The following NFIB variants were observed in gnomAD, a reference collection of about 807,000 sequenced individuals.
The protein encoded by NFIB is nuclear factor 1 B-type.
Under a neutral mutation model 61.5 loss-of-function variants are expected in NFIB, and 11 were observed. The ratio of observed to expected loss-of-function variants is 0.18; its 90% confidence interval spans 0.11 to 0.30. The LOEUF (loss-of-function observed/expected upper bound fraction) is 0.30, where lower values mean the gene tolerates loss of function less well. NFIB is among the 10% of genes least tolerant of loss of function. The pLI is 1.00. For synonymous variants in NFIB, 260 were observed against 216.5 expected (o/e 1.20, Z -1.76); for missense variants, 471 against 608.9 (o/e 0.77, Z 2.38).
the NFIB span, among the ~76,000 whole-genome samples, chr9:14,499,060 G>A: frequency 4.0e-5 from 6 of 151,836 alleles, no homozygotes; most frequent in South Asian, 4.2e-4. Context: ...GTGTGTGTGC[G>A]TGTGTGGGTG....
chr9:14,108,841 T>C (rs758580646), intron 10 of NFIB, among the ~76,000 whole-genome samples: 10 of 152,132 alleles, frequency 6.6e-5, no homozygotes, highest in Non-Finnish European at 1.3e-4. Context: ...AGTTGAAATC[T>C]CAAATATACA....
intron 2 of NFIB, among the ~76,000 whole-genome samples, chr9:14,301,828 C>T (rs1398513673): frequency 6.6e-6 from 1 of 152,144 alleles, no homozygotes; most frequent in African/African-American, 2.4e-5. Flanking sequence ...TCTTATCTCA[C>T]AATATATGTT....
intron 10 of NFIB, among the ~76,000 whole-genome samples, chr9:14,095,409 A>G (rs910988753): frequency 3.3e-5 from 5 of 152,250 alleles, no homozygotes; most frequent in Non-Finnish European, 7.4e-5. Context: ...CAATTATTTT[A>G]TCTCCTCCCA....
rs1034918572 is a variant in NFIB, at chr9:14,150,130, C to T, written c.806+15G>A. 1 of 1,613,042 alleles carries T rather than the reference C, an allele frequency of 6.2e-7. No individual in the cohort carries two copies. Among genetic ancestry groups the T allele is most frequent in the Non-Finnish European group, 8.5e-7 (1 of 1,179,270 alleles). On this transcript the variant is annotated intron_variant, in intron 5 of 10. Coordinates refer to ENST00000380953, the MANE Select transcript of NFIB (RefSeq NM_001190737.2). ...GTGTATCACTTGAGAATATGAGCAGCCCTTCTTTCAGTACCTGCTTGGTGG... is the reference window on the plus strand; with the variant it reads ...GTGTATCACTTGAGAATATGAGCAGTCCTTCTTTCAGTACCTGCTTGGTGG...
At chr9:14,119,551 A>C (rs2119138016) in intron 8 of NFIB, among the ~76,000 whole-genome samples, 1 of 152,260 alleles carries the variant, frequency 6.6e-6, no homozygotes, top group Non-Finnish European at 1.5e-5. Context: ...ACTATTTACT[A>C]GCATTTCAGG....
chr9:14,373,617 T>C (rs2061383294), intron 1 of NFIB, among the ~76,000 whole-genome samples: 1 of 151,106 alleles, frequency 6.6e-6, no homozygotes, highest in African/African-American at 2.5e-5. Context: ...GAAAGACATT[T>C]AAAGGGCTGT....
At chr9:14,172,159 A>AGAAATCAAGATGGAATTTCAGGG (rs2045635532) in intron 3 of NFIB, among the ~76,000 whole-genome samples, 1 of 152,238 alleles carries the variant, frequency 6.6e-6, no homozygotes, top group Non-Finnish European at 1.5e-5. Context: ...GAAGCTGAGA[A>AGAAATCAAGATGGAATTTCAGGG]GAAATCAAGA....
At chr9:14,360,104 G>A (rs1198463816) in intron 1 of NFIB, among the ~76,000 whole-genome samples, 1 of 152,144 alleles carries the variant, frequency 6.6e-6, no homozygotes, top group Non-Finnish European at 1.5e-5. Flanking sequence ...CTATTTAAAT[G>A]AGGCATAACT....
At chr9:14,144,341 C>T (rs1321759690) in intron 6 of NFIB, among the ~76,000 whole-genome samples, 3 of 152,096 alleles carry the variant, frequency 2.0e-5, no homozygotes, top group Non-Finnish European at 2.9e-5. Flanking sequence ...AAGGTTATTA[C>T]CATTAAAATC....
At chr9:14,203,390 G>A (rs1430036989) in intron 2 of NFIB, among the ~76,000 whole-genome samples, 1 of 152,182 alleles carries the variant, frequency 6.6e-6, no homozygotes, top group African/African-American at 2.4e-5. Context: ...CCGGTTAATT[G>A]AAAAGTGGGT....
At chr9:14,523,854 T>C in the NFIB span, among the ~76,000 whole-genome samples, 3 of 152,176 alleles carry the variant, frequency 2.0e-5, no homozygotes, top group Non-Finnish European at 2.9e-5. Flanking sequence ...AAATACAAAC[T>C]TATTGCTTTT....
Position 14,082,496 on chromosome 9 carries a change from T to C in NFIB, c.*5813A>G, listed in dbSNP as rs970936112. 5 of 205,340 alleles carry C rather than the reference T, an allele frequency of 2.4e-5. No homozygotes were observed. The highest frequency in any genetic ancestry group is 9.2e-5 in the African/African-American group (4 of 43,712). The allele number at this position is 205,340 out of a possible 1,614,324, so 12.7% of individuals were successfully genotyped here. A position where few individuals can be genotyped will look rare whatever the true frequency, so the allele number is the denominator to read the frequency against. On this transcript the variant is annotated 3_prime_UTR_variant, in exon 11 of 11. Coordinates refer to ENST00000380953, the MANE Select transcript of NFIB (RefSeq NM_001190737.2). ...GATGAAGACATAATCTACTGCAGCTTTGAGAAACCTATGCCTGGGATGTAG... is the reference window on the plus strand; with the variant it reads ...GATGAAGACATAATCTACTGCAGCTCTGAGAAACCTATGCCTGGGATGTAG...
the NFIB span, among the ~76,000 whole-genome samples, chr9:14,433,981 C>T: frequency 2.2e-4 from 33 of 152,290 alleles, no homozygotes; most frequent in African/African-American, 7.2e-4. Flanking sequence ...GCGGCCACAA[C>T]GCAGAGTACT....
chr9:14,277,120 T>C (rs561438999), intron 2 of NFIB, among the ~76,000 whole-genome samples: 6 of 152,014 alleles, frequency 3.9e-5, no homozygotes, highest in African/African-American at 9.7e-5. Context: ...TTTGAGGAGA[T>C]TTTTTTTAAA....
intron 2 of NFIB, among the ~76,000 whole-genome samples, chr9:14,224,917 C>G (rs1307954001): frequency 1.3e-5 from 2 of 151,932 alleles, no homozygotes; most frequent in Non-Finnish European, 2.9e-5. Context: ...GCTTTTTTAC[C>G]TTTTCTTATA....
chr9:14,291,229 A>G (rs1037761779), intron 2 of NFIB, among the ~76,000 whole-genome samples: 3 of 152,132 alleles, frequency 2.0e-5, no homozygotes, highest in African/African-American at 7.2e-5. Flanking sequence ...CACGCCTGTA[A>G]TCCCAGCACT....
chr9:14,389,007 C>G (rs1048756008), intron 1 of NFIB, among the ~76,000 whole-genome samples: 21 of 152,160 alleles, frequency 1.4e-4, no homozygotes, highest in Non-Finnish European at 2.1e-4. Context: ...GGGGCCTGGA[C>G]ATTGCATTGT....
At chr9:14,263,139 T>C (rs1391894240) in intron 2 of NFIB, among the ~76,000 whole-genome samples, 3 of 152,156 alleles carry the variant, frequency 2.0e-5, no homozygotes, top group Admixed American at 6.5e-5. Context: ...TGGGTTGTTA[T>C]GGCTTTTTGT....
At chr9:14,336,214 A>G (rs2060884598) in intron 1 of NFIB, among the ~76,000 whole-genome samples, 1 of 152,260 alleles carries the variant, frequency 6.6e-6, no homozygotes, top group African/African-American at 2.4e-5. Context: ...TGCTCAGACC[A>G]TGTTACAACA....
Sources: allele counts gnomAD v4.1 joint callset (sites outside exome capture counted in the v4.1 genomes callset), GRCh38; gene constraint gnomAD v4.1.1; transcripts MANE v1.5; gene names NCBI Gene and HGNC (gene_info 2026-07-23, HGNC 2026-07-21).